ATRNL1: variants seen among roughly 807,000 people sequenced by gnomAD.
ATRNL1 encodes the protein attractin like 1.
A neutral mutation model predicts 182.7 loss-of-function variants in ATRNL1; 95 were observed. The ratio of observed to expected loss-of-function variants is 0.52; its 90% CI spans 0.44 to 0.62. ATRNL1 has a LOEUF of 0.62. ATRNL1 is among the 20% of genes least tolerant of loss of function. The probability of loss-of-function intolerance (pLI) is 0.00; values close to 1 mark genes in which losing one functional copy is unlikely to be tolerated. For missense variants in ATRNL1, 1,471 were observed against 1,679.5 expected (o/e 0.88, Z 2.17); for synonymous variants, 576 against 568.3 (o/e 1.01, Z -0.19).
At chr10:115,325,478 A>T (rs1428657472) in intron 18 of ATRNL1, among the ~76,000 whole-genome samples, 1 of 152,140 alleles carries the variant, frequency 6.6e-6, no homozygotes, top group East Asian at 1.9e-4. Context: ...CATTGCTACC[A>T]TATTAGTTAT....
chr10:115,773,889 A>G (rs1305048915), intron 27 of ATRNL1, among the ~76,000 whole-genome samples: 2 of 152,086 alleles, frequency 1.3e-5, no homozygotes, highest in African/African-American at 4.8e-5. Context: ...ATTTGTTCCT[A>G]TCTCCCTCCC....
chr10:115,542,556 TAAAG>T (rs1852420741), intron 25 of ATRNL1, among the ~76,000 whole-genome samples: 2 of 152,096 alleles, frequency 1.3e-5, no homozygotes, highest in South Asian at 4.1e-4. Context: ...TCCTAAGAAT[TAAAG>T]AAGCCTGAAA....
intron 1 of ATRNL1, among the ~76,000 whole-genome samples, chr10:115,107,004 C>A (rs782154714): frequency 6.6e-6 from 1 of 152,148 alleles, no homozygotes; most frequent in Non-Finnish European, 1.5e-5. Context: ...TAGGCAAAAG[C>A]ATTCAAATCT....
intron 27 of ATRNL1, among the ~76,000 whole-genome samples, chr10:115,743,578 ATTC>A (rs1555068362): frequency 2.0e-5 from 3 of 152,188 alleles, no homozygotes; most frequent in Non-Finnish European, 4.4e-5. Context: ...CACAGTCCCT[ATTC>A]TTGTGAATAA....
chr10:115,389,017 C>T (rs1843824543), intron 19 of ATRNL1, among the ~76,000 whole-genome samples: 1 of 152,124 alleles, frequency 6.6e-6, no homozygotes, highest in African/African-American at 2.4e-5. Flanking sequence ...TTCCTCCTAA[C>T]CGAAATTTTG....
At chr10:115,407,889 C>A (rs1844910908) in intron 20 of ATRNL1, among the ~76,000 whole-genome samples, 1 of 151,694 alleles carries the variant, frequency 6.6e-6, no homozygotes, top group Admixed American at 6.6e-5. Flanking sequence ...TCCCCACCGG[C>A]ATCTTATATT....
At chr10:115,245,136 G>A (rs1326451422) in intron 10 of ATRNL1, among the ~76,000 whole-genome samples, 2 of 152,062 alleles carry the variant, frequency 1.3e-5, no homozygotes, top group Non-Finnish European at 2.9e-5. Flanking sequence ...TTTAATGGTA[G>A]TATATAATAA....
intron 26 of ATRNL1, among the ~76,000 whole-genome samples, chr10:115,605,955 A>T (rs1184199223): frequency 1.2e-4 from 18 of 152,052 alleles, no homozygotes; most frequent in Admixed American, 1.2e-3. Flanking sequence ...GATGATCTTT[A>T]CTATATCAGT....
chr10:115,636,661 A>G (rs1338589698), intron 26 of ATRNL1, among the ~76,000 whole-genome samples: 1 of 152,220 alleles, frequency 6.6e-6, no homozygotes, highest in Non-Finnish European at 1.5e-5. Context: ...GCTATACCTC[A>G]AGGTATTAAA....
chr10:115,924,071 A>G (rs1953147087), intron 28 of ATRNL1, among the ~76,000 whole-genome samples: 1 of 152,188 alleles, frequency 6.6e-6, no homozygotes, highest in Admixed American at 6.5e-5. Context: ...GTGTTTGTTC[A>G]TACACTTTGC....
At chr10:115,352,376 T>C (rs1554941681) in intron 19 of ATRNL1, among the ~76,000 whole-genome samples, 1 of 152,168 alleles carries the variant, frequency 6.6e-6, no homozygotes, top group Non-Finnish European at 1.5e-5. Flanking sequence ...CTTTTTTATT[T>C]TCTAAGATGC....
chr10:115,445,736 G>A (rs10787573), intron 21 of ATRNL1, among the ~76,000 whole-genome samples: 106,567 of 148,230 alleles, frequency 0.72, 38,472 homozygotes, highest in African/African-American at 0.79. Flanking sequence ...TATCGCTCCA[G>A]AAAGAAAGCT....
intron 24 of ATRNL1, among the ~76,000 whole-genome samples, chr10:115,506,530 A>G (rs1850121668): frequency 6.6e-6 from 1 of 152,032 alleles, no homozygotes; most frequent in Non-Finnish European, 1.5e-5. Flanking sequence ...AAAAAAAACT[A>G]AAAAACAAAA....
At chr10:115,531,131 G>C (rs1741722082) in intron 25 of ATRNL1, among the ~76,000 whole-genome samples, 1 of 151,824 alleles carries the variant, frequency 6.6e-6, no homozygotes, top group Non-Finnish European at 1.5e-5. Flanking sequence ...ATAGTCCTTT[G>C]GGTATATACC....
At chr10:115,482,111 C>G (rs1319750960) in intron 24 of ATRNL1, among the ~76,000 whole-genome samples, 3 of 150,852 alleles carry the variant, frequency 2.0e-5, no homozygotes, top group Non-Finnish European at 3.0e-5. Flanking sequence ...CAGAATCTCT[C>G]AATAGATAAT....
chr10:115,930,824 A>G (rs1358845343), intron 28 of ATRNL1, among the ~76,000 whole-genome samples: 1 of 152,196 alleles, frequency 6.6e-6, no homozygotes, highest in East Asian at 1.9e-4. Flanking sequence ...AATAATGGGT[A>G]GCCCTTTGGC....
At chr10:115,906,027 AAAAT>A (rs1952492694) in intron 28 of ATRNL1, among the ~76,000 whole-genome samples, 2 of 152,196 alleles carry the variant, frequency 1.3e-5, no homozygotes, top group East Asian at 3.9e-4. Flanking sequence ...CAATAACAAA[AAAAT>A]AAATCAAGCT....
intron 24 of ATRNL1, among the ~76,000 whole-genome samples, chr10:115,494,377 C>T (rs1554977538): frequency 6.6e-6 from 1 of 152,096 alleles, no homozygotes; most frequent in African/African-American, 2.4e-5. Context: ...CTGTGTCGAA[C>T]AGGAGTGGTG....
intron 28 of ATRNL1, among the ~76,000 whole-genome samples, chr10:115,868,688 T>A (rs1328314901): frequency 6.6e-6 from 1 of 152,108 alleles, no homozygotes; most frequent in Non-Finnish European, 1.5e-5. Context: ...ACCTCAGGTC[T>A]CCTAACTCCC....
Sources: gnomAD v4.1 joint callset for allele counts (sites outside exome capture counted in the v4.1 genomes callset) on GRCh38, gnomAD v4.1.1 for gene constraint, MANE v1.5 for transcripts, NCBI Gene and HGNC (gene_info 2026-07-23, HGNC 2026-07-21) for gene names.